Variants in SNTG1 observed in about 807,000 individuals in gnomAD.
SNTG1 encodes syntrophin gamma 1.
In SNTG1, 39 loss-of-function variants were observed where a neutral mutation model predicts 74.7. That is an observed-to-expected ratio of 0.52 (90% CI 0.40 to 0.68). The LOEUF (loss-of-function observed/expected upper bound fraction) is 0.68. SNTG1 is among the 30% of genes least tolerant of loss of function. The pLI is 0.00. For missense variants in SNTG1, 685 were observed against 609.5 expected, an observed-to-expected ratio of 1.12 and a Z score of -1.30; for synonymous variants, 254 against 217.1, an observed-to-expected ratio of 1.17 and a Z score of -1.49.
chr8:50,406,070 A>G (rs2092871522), intron 4 of SNTG1, among the ~76,000 whole-genome samples: 1 of 152,006 alleles, frequency 6.6e-6, no homozygotes, highest in Non-Finnish European at 1.5e-5. Flanking sequence ...GAATTTTTCT[A>G]TTTCTTGAAA....
intron 1 of SNTG1, among the ~76,000 whole-genome samples, chr8:49,962,115 G>A (rs1314434642): frequency 2.6e-5 from 4 of 152,140 alleles, no homozygotes; most frequent in African/African-American, 4.8e-5. Flanking sequence ...CCTGTGGAAG[G>A]CAGCTAAGGT....
At chr8:50,410,024 C>T (rs1026824394) in intron 4 of SNTG1, among the ~76,000 whole-genome samples, 1 of 152,166 alleles carries the variant, frequency 6.6e-6, no homozygotes, top group South Asian at 2.1e-4. Context: ...GAATAAAACA[C>T]ACAATTAGCA....
chr8:50,022,640 AGTTT>A (rs1816925511), intron 1 of SNTG1, among the ~76,000 whole-genome samples: 1 of 152,186 alleles, frequency 6.6e-6, no homozygotes, highest in Non-Finnish European at 1.5e-5. Flanking sequence ...GTAGCCTAGC[AGTTT>A]GTTTGTTTTG....
intron 4 of SNTG1, among the ~76,000 whole-genome samples, chr8:50,421,609 C>A (rs1203382407): frequency 1.3e-5 from 2 of 152,168 alleles, no homozygotes. Context: ...AGTAGTGCAG[C>A]CCAATAGGTT....
chr8:49,958,911 A>G (rs1426158473), intron 1 of SNTG1, among the ~76,000 whole-genome samples: 4 of 152,338 alleles, frequency 2.6e-5, no homozygotes, highest in South Asian at 2.1e-4. Context: ...AACAGTGTAA[A>G]TGTAGCTTCA....
chr8:50,276,373 T>TA, intron 2 of SNTG1, among the ~76,000 whole-genome samples: 1 of 143,460 alleles, frequency 7.0e-6, no homozygotes, highest in Middle Eastern at 3.7e-3. Context: ...CAAGTAAATT[T>TA]TATATATATA....
chr8:50,717,017 T>G (rs1410103850), intron 17 of SNTG1, among the ~76,000 whole-genome samples: 1 of 152,134 alleles, frequency 6.6e-6, no homozygotes, highest in East Asian at 1.9e-4. Flanking sequence ...ATTACAGGCG[T>G]GAGCCACCGC....
Position 50,513,722 on chromosome 8 carries a change from G to A in SNTG1, c.466+10842G>A, listed in dbSNP as rs530006111. Among the ~76,000 whole-genome samples the A allele has an allele frequency of 2.2e-4, 33 of 152,344 alleles. No homozygotes were observed. The East Asian group carries it at 5.6e-3, about 26-fold the overall frequency. On this transcript the variant is annotated intron_variant, in intron 9 of 18. Transcript: ENST00000642720. The stretch of plus-strand genomic sequence containing the variant: ...CATAAGACCCTCCAAGCCATGCGCA[G>A]GATATAATCTCCTGGTGTGCCGTTT...
intron 17 of SNTG1, among the ~76,000 whole-genome samples, chr8:50,709,559 G>A (rs968410878): frequency 1.3e-5 from 2 of 152,054 alleles, no homozygotes; most frequent in Non-Finnish European, 2.9e-5. Context: ...GAATGACAGA[G>A]GGTGCCTACT....
chr8:50,323,653 TCC>T (rs528423937), intron 2 of SNTG1, among the ~76,000 whole-genome samples: 13 of 152,146 alleles, frequency 8.5e-5, no homozygotes, highest in Non-Finnish European at 1.9e-4. Context: ...AGTCTCTTTC[TCC>T]CTGTGTTGAG....
chr8:50,415,822 TTAAA>T (rs2093006870), intron 4 of SNTG1, among the ~76,000 whole-genome samples: 1 of 152,130 alleles, frequency 6.6e-6, no homozygotes. Flanking sequence ...AGCCCAGAGT[TTAAA>T]TAAGCCTTTT....
chr8:50,573,824 T>A (rs114119754), intron 12 of SNTG1, among the ~76,000 whole-genome samples: 6,562 of 151,958 alleles, frequency 0.043, 259 homozygotes, highest in African/African-American at 0.097. Flanking sequence ...ATTTAATAAC[T>A]TATAAGTATA....
At chr8:50,219,113 A>G (rs1046762047) in intron 2 of SNTG1, among the ~76,000 whole-genome samples, 7 of 152,204 alleles carry the variant, frequency 4.6e-5, no homozygotes, top group African/African-American at 1.7e-4. Flanking sequence ...GGAAACTTTG[A>G]TGTTTTGGCT....
At chr8:50,761,386 C>G (rs1208671345) in intron 18 of SNTG1, among the ~76,000 whole-genome samples, 1 of 151,894 alleles carries the variant, frequency 6.6e-6, no homozygotes, top group Non-Finnish European at 1.5e-5. Context: ...GAGTAGGACT[C>G]AGTCTTTTAG....
chr8:50,651,609 C>T (rs1414576089), intron 13 of SNTG1, among the ~76,000 whole-genome samples: 1 of 149,576 alleles, frequency 6.7e-6, no homozygotes, highest in Non-Finnish European at 1.5e-5. Flanking sequence ...AGGCATGTAC[C>T]ACCAAGCCCA....
In SNTG1 at chr8:50,411,455, A is replaced by T. The variant is rs367868676; in HGVS notation, c.162+9111A>T. On this transcript the variant is annotated intron_variant, in intron 4 of 18. Transcript: ENST00000642720. ...AGAGCAAGACTCCATCTCAAAAAAA[A>T]AAAATAAAAAGACTCCATCTCAAAA... Among the ~76,000 whole-genome samples, 32 of 151,526 alleles carry T rather than the reference A, an allele frequency of 2.1e-4. 1 individual carries two copies. Among genetic ancestry groups the T allele is most frequent in the Admixed American group, 1.2e-3 (19 of 15,230 alleles).
intron 2 of SNTG1, among the ~76,000 whole-genome samples, chr8:50,298,880 T>C (rs975334664): frequency 3.9e-5 from 6 of 152,168 alleles, no homozygotes; most frequent in East Asian, 1.9e-4. Flanking sequence ...TATTCTTTGG[T>C]TGGTATTTCA....
At chr8:50,307,080 G>T (rs2089930284) in intron 2 of SNTG1, among the ~76,000 whole-genome samples, 1 of 151,780 alleles carries the variant, frequency 6.6e-6, no homozygotes, top group African/African-American at 2.4e-5. Flanking sequence ...TATATATGGT[G>T]TTTCTTTGAC....
chr8:50,790,688 C>T (rs948168894), intron 18 of SNTG1, among the ~76,000 whole-genome samples: 1 of 151,814 alleles, frequency 6.6e-6, no homozygotes, highest in Non-Finnish European at 1.5e-5. Context: ...TGGTCTCCTG[C>T]TTTCTCTTCT....
Sources: gnomAD v4.1 joint callset for allele counts (sites outside exome capture counted in the v4.1 genomes callset) on GRCh38, gnomAD v4.1.1 for gene constraint, MANE v1.5 for transcripts, NCBI Gene and HGNC (gene_info 2026-07-23, HGNC 2026-07-21) for gene names.